CEP250: variants seen among roughly 807,000 people sequenced by gnomAD.
CEP250 encodes centrosome-associated protein CEP250.
CEP250 carries 242 observed loss-of-function variants against 315.7 expected under a neutral mutation model. That is an observed-to-expected ratio of 0.77 (90% CI 0.69 to 0.85). The LOEUF is 0.85. Ranked by LOEUF, CEP250 falls within the 40% of genes least tolerant of loss-of-function variation. The pLI, the probability that CEP250 is intolerant of heterozygous loss-of-function variation, is 0.00. For missense variants in CEP250, 2,515 were observed against 2,886.4 expected (o/e 0.87, Z 2.95); for synonymous variants, 1,088 against 1,175.0 (o/e 0.93, Z 1.51).
chr20:35,467,633 G>A, intron 9 of CEP250, 78 bp downstream of exon 9: 1 of 1,404,980 alleles, frequency 7.1e-7, no homozygotes, highest in Non-Finnish European at 9.6e-7. Context: ...CAGGCAGGGG[G>A]AGGTGCCAGG....
chr20:35,512,072 A>G lies in CEP250; in HGVS notation c.*446A>G. On this transcript the variant is annotated 3_prime_UTR_variant, in exon 35 of 35. Coordinates refer to ENST00000397527, the MANE Select transcript of CEP250 (RefSeq NM_007186.6). ...TGCCAAAGATTCCTGTTGAGGTAGC[A>G]TGCATTTATTGTACACCATGCACTG... 9.8e-7 allele frequency: 1 copy of G among 1,018,438 alleles called. No individual in the cohort carries two copies. 63.1% of individuals were successfully genotyped at this position (1,018,438 alleles called of 1,614,324 possible).
chr20:35,472,005 C>A, intron 10 of CEP250, 45 bp from the exon 11 acceptor site: 1 of 1,180,510 alleles, frequency 8.5e-7, no homozygotes, highest in Non-Finnish European at 1.3e-6. Context: ...AATAAATTCA[C>A]TTTTGAGAGT....
chr20:35,496,663 T>C lies in CEP250; in HGVS notation c.3254T>C (p.Leu1085Pro), dbSNP rs2063843633. 6.2e-7 allele frequency: 1 copy of C among 1,614,122 alleles called. No individual in the cohort carries two copies. The change falls in exon 25 of 35, where the codon CTG becomes CCG. Residue 1085 changes from leucine (L) to proline (P), a missense_variant. Leu to Pro is a moderately conservative substitution (Grantham distance 98). Coordinates refer to ENST00000397527, the MANE Select transcript of CEP250 (RefSeq NM_007186.6). ...DSIRQQELSA[L>P]RQDMQEAQGE... Reference sequence around the variant, plus strand: ...ATTCGACAACAAGAGCTGAGTGCCCTGCGCCAGGACATGCAGGAGGCCCAG... The same window carrying C: ...ATTCGACAACAAGAGCTGAGTGCCCCGCGCCAGGACATGCAGGAGGCCCAG...
rs941147467 is a variant in CEP250, at chr20:35,504,287, C to G, written c.5918C>G (p.Ala1973Gly). 6.3e-7 allele frequency: 1 copy of G among 1,588,324 alleles called. No individual in the cohort carries two copies. ...GCTCTGCAGGAGGCCCTTGGCAAGG[C>G]TCATGCTGCCCTGCAGGGGAAAGAG... The part of the protein sequence containing the change: ...AEALQEALGK[A>G]HAALQGKEQH... Residue 1973 changes from alanine to glycine, a missense_variant, in exon 30 of 35, where the codon GCT becomes GGT. Coordinates refer to ENST00000397527, the MANE Select transcript of CEP250 (RefSeq NM_007186.6).
At chr20:35,492,820 C>G (rs1000642128) in intron 22 of CEP250, among the ~76,000 whole-genome samples, 2 of 152,152 alleles carry the variant, frequency 1.3e-5, no homozygotes, top group Non-Finnish European at 2.9e-5. Context: ...CTTCGCCTCC[C>G]AGGTTCAAGC....
intron 20 of CEP250, among the ~76,000 whole-genome samples, chr20:35,487,322 T>G (rs2146987023): frequency 6.6e-6 from 1 of 151,832 alleles, no homozygotes; most frequent in Non-Finnish European, 1.5e-5. Flanking sequence ...ACAAAAAAAT[T>G]AGCCAGGCGT....
At chr20:35,480,220 G>C in intron 20 of CEP250, 75 bp downstream of exon 20, 2 of 1,428,834 alleles carry the variant, frequency 1.4e-6, no homozygotes, top group Non-Finnish European at 1.9e-6. Context: ...TCCAGTTATT[G>C]CTGCTCGTAT....
chr20:35,511,367 T>C lies in CEP250; in HGVS notation c.7070T>C (p.Val2357Ala). Reference sequence around the variant, plus strand: ...TTTTTTTTTCCTGCCCACCAGGTGGTCCTGCTGCAAGCTCAGCTGACTTTG... The same window carrying C: ...TTTTTTTTTCCTGCCCACCAGGTGGCCCTGCTGCAAGCTCAGCTGACTTTG... ...KCVAELQKEV[V>A]LLQAQLTLER... The change falls in exon 35 of 35, where the codon GTC becomes GCC. Residue 2357 changes from valine (V) to alanine (A), a missense_variant. Coordinates refer to ENST00000397527, the MANE Select transcript of CEP250 (RefSeq NM_007186.6). 1 of 1,597,436 alleles carries C rather than the reference T, an allele frequency of 6.3e-7. No individual in the cohort carries two copies.
intron 10 of CEP250, among the ~76,000 whole-genome samples, chr20:35,470,996 A>G (rs929837821): frequency 6.6e-6 from 1 of 152,164 alleles, no homozygotes; most frequent in African/African-American, 2.4e-5. Flanking sequence ...TTTCATCTCT[A>G]TAAGTTTTCA....
chr20:35,462,132 A>T lies in CEP250; in HGVS notation c.-103-133A>T, dbSNP rs116907902. The T allele has an allele frequency of 3.7e-5, 13 of 347,878 alleles. No homozygotes were observed. In the East Asian group the frequency reaches 5.8e-4, roughly 16 times the overall value. The allele number at this position is 347,878 out of a possible 1,614,324, so 21.5% of individuals were successfully genotyped here. A position where few individuals can be genotyped will look rare whatever the true frequency, so the allele number is the denominator to read the frequency against. On this transcript the variant is annotated intron_variant, in intron 3 of 34. Transcript: ENST00000397527. ...TGTGAGCTTGTCTCATGGTCAGTTA[A>T]ATTTGGGGAATGATGCTCATCATAG...
intron 29 of CEP250, 121 bp from the exon 30 acceptor site, chr20:35,502,269 C>CTT (rs11311074): frequency 5.5e-4 from 459 of 832,494 alleles, no homozygotes; most frequent in Non-Finnish European, 7.5e-4. Context: ...TATACCACCA[C>CTT]TTTTTTTTGC....
intron 12 of CEP250, among the ~76,000 whole-genome samples, chr20:35,473,163 G>A (rs896000777): frequency 2.6e-5 from 4 of 152,116 alleles, no homozygotes; most frequent in African/African-American, 9.7e-5. Context: ...CCATGCCACT[G>A]TACATTTGGA....
At chr20:35,493,898 C>G (rs2063764440) in intron 23 of CEP250, among the ~76,000 whole-genome samples, 1 of 152,214 alleles carries the variant, frequency 6.6e-6, no homozygotes, top group Non-Finnish European at 1.5e-5. Context: ...AATCCTATAT[C>G]AAATGATGTT....
At chr20:35,457,735 G>T (rs2062663563) in intron 1 of CEP250, among the ~76,000 whole-genome samples, 1 of 152,156 alleles carries the variant, frequency 6.6e-6, no homozygotes. Flanking sequence ...GGAGGCAGAG[G>T]TTGCAGTGAG....
chr20:35,485,797 G>A (rs951460117), intron 20 of CEP250, among the ~76,000 whole-genome samples: 5 of 149,140 alleles, frequency 3.4e-5, no homozygotes, highest in Non-Finnish European at 7.4e-5. Flanking sequence ...TGGGACCACA[G>A]GCATGAACCA....
At position 35,477,912 on chromosome 20, in the gene CEP250, C is replaced by T. The variant is rs149559933; in HGVS notation, c.1905C>T (p.Ala635=). The T allele has an allele frequency of 1.6e-5, 26 of 1,600,672 alleles. No homozygotes were observed. Among genetic ancestry groups the T allele is most frequent in the African/African-American group, 1.5e-4 (11 of 74,932 alleles). The change falls in exon 17 of 35, where the codon GCC becomes GCT. Residue 635 remains alanine (A), a synonymous_variant. Transcript: ENST00000397527. Reference sequence around the variant, plus strand: ...AGTCTGTGTGCAGCAGAATGGAGGCCGCAGAGCAGGCGAGAAATGCTTTGC... The same window carrying T: ...AGTCTGTGTGCAGCAGAATGGAGGCTGCAGAGCAGGCGAGAAATGCTTTGC... ...ENQSVCSRME[A]AEQARNALQV... is the part of the protein sequence containing the mutation.
At chr20:35,456,784 C>CA (rs1164351459) in intron 1 of CEP250, among the ~76,000 whole-genome samples, 2 of 140,516 alleles carry the variant, frequency 1.4e-5, no homozygotes, top group African/African-American at 5.8e-5. Context: ...TGCCTCCCCC[C>CA]ACTTTTTTTT....
intron 21 of CEP250, 136 bp from the exon 22 acceptor site, chr20:35,491,076 G>A (rs2063675798): frequency 9.0e-7 from 1 of 1,106,778 alleles, no homozygotes; most frequent in Non-Finnish European, 1.3e-6. Context: ...GAACCCATGG[G>A]CTCAGACCTT....
chr20:35,484,831 C>A (rs935253741), intron 20 of CEP250, among the ~76,000 whole-genome samples: 5 of 152,164 alleles, frequency 3.3e-5, no homozygotes, highest in Non-Finnish European at 5.9e-5. Flanking sequence ...TAGTGCAAAG[C>A]AGCCATATAT....
Sources: allele counts gnomAD v4.1 joint callset (sites outside exome capture counted in the v4.1 genomes callset), GRCh38; gene constraint gnomAD v4.1.1; transcripts MANE v1.5; gene names NCBI Gene and HGNC (gene_info 2026-07-23, HGNC 2026-07-21).